PCDHGB3: variants seen among roughly 807,000 people sequenced by gnomAD.
PCDHGB3 encodes protocadherin gamma-B3.
PCDHGB3 carries 40 observed loss-of-function variants against 59.2 expected under a neutral mutation model. The ratio of observed to expected loss-of-function variants is 0.68; its 90% CI spans 0.52 to 0.88. The LOEUF is 0.88. PCDHGB3 is among the 40% of genes least tolerant of loss of function. The pLI is 0.00. For synonymous variants in PCDHGB3, 581 were observed against 503.6 expected, an observed-to-expected ratio of 1.15 and a Z score of -2.06; for missense variants, 1,309 against 1,187.9, an observed-to-expected ratio of 1.10 and a Z score of -1.50.
intron 1 of PCDHGB3, among the ~76,000 whole-genome samples, chr5:141,467,772 C>A (rs972304213): frequency 1.3e-5 from 2 of 151,686 alleles, no homozygotes; most frequent in Admixed American, 6.6e-5. Flanking sequence ...AGTGCCCGCA[C>A]CTCAGCCTCT....
In PCDHGB3 at chr5:141,370,915, C is replaced by T; in HGVS notation, c.521C>T (p.Pro174Leu). The T allele has an allele frequency of 6.2e-7, 1 of 1,614,006 alleles. No individual in the cohort carries two copies. The highest frequency in any genetic ancestry group is 8.5e-7 in the Non-Finnish European group (1 of 1,179,884). The stretch of plus-strand genomic sequence containing the variant: ...TCGCTGCAGCAGTACTACCTCAGCC[C>T]TGATCCGCACTTCTCTTTGATTCAG... ...VNSLQQYYLS[P>L]DPHFSLIQKE... The change falls in exon 1 of 4, where the codon CCT becomes CTT. Residue 174 changes from proline to leucine, a missense_variant. By Grantham distance (98) the Pro-to-Leu change is moderately conservative (BLOSUM62 -3). Coordinates refer to ENST00000576222, the MANE Select transcript of PCDHGB3 (RefSeq NM_018924.5).
In PCDHGB3 at chr5:141,413,416, C is replaced by G. The variant is rs893515703; in HGVS notation, c.2415+40607C>G. ...CAGAGGTAGGACGCAGCTTTTCTCT[C>G]TGAACCCGCGCAGCGGCAGCTTGAT... On this transcript the variant is annotated intron_variant, in intron 1 of 3. Transcript: ENST00000576222. 1 of 1,614,100 alleles carries G rather than the reference C, an allele frequency of 6.2e-7. No individual in the cohort carries two copies. Among genetic ancestry groups the G allele is most frequent in the Admixed American group, 1.7e-5 (1 of 60,034 alleles).
At chr5:141,453,919 C>T (rs142719452) in intron 1 of PCDHGB3, among the ~76,000 whole-genome samples, 2 of 152,318 alleles carry the variant, frequency 1.3e-5, no homozygotes, top group African/African-American at 4.8e-5. Flanking sequence ...TGTCAGTGAT[C>T]AGTCACTGTG....
rs983317324 is a variant in PCDHGB3, at chr5:141,431,891, G to A, written c.2415+59082G>A. The stretch of plus-strand genomic sequence containing the variant: ...AAATGTAAATGACCAAGATTCTGAG[G>A]AAAACGGACAGGTGATCTGTTTCAT... On this transcript the variant is annotated intron_variant, in intron 1 of 3. Transcript: ENST00000576222. The surrounding 1 kb of genome is among the most constrained non-coding windows in gnomAD (Gnocchi z 4.8). 16 of 1,614,072 alleles carry A rather than the reference G, an allele frequency of 9.9e-6. No homozygotes were observed. The highest frequency in any genetic ancestry group is 2.7e-5 in the African/African-American group (2 of 74,934).
chr5:141,403,627 A>G lies in PCDHGB3; in HGVS notation c.2415+30818A>G, dbSNP rs1187522360. ...GCGGCGAGCCGCGTCGCTCCAGCAC[A>G]GTGCGCATCCATGTGACAGTGTTGG... On this transcript the variant is annotated intron_variant, in intron 1 of 3. Coordinates refer to ENST00000576222, the MANE Select transcript of PCDHGB3 (RefSeq NM_018924.5). 4 of 1,613,922 alleles carry G rather than the reference A, an allele frequency of 2.5e-6. No individual in the cohort carries two copies. The East Asian group carries it at 8.9e-5, about 36-fold the overall frequency.
At chr5:141,399,644 A>C in intron 1 of PCDHGB3, 1 of 1,613,810 alleles carries the variant, frequency 6.2e-7, no homozygotes, top group Non-Finnish European at 8.5e-7. Flanking sequence ...ATGAGCGCGC[A>C]AAGTGGGGTG....
At chr5:141,466,654 C>A (rs985749176) in intron 1 of PCDHGB3, among the ~76,000 whole-genome samples, 12 of 152,178 alleles carry the variant, frequency 7.9e-5, no homozygotes, top group African/African-American at 2.9e-4. Flanking sequence ...TTTCACAAAA[C>A]ATCAGTGATT....
At chr5:141,398,019 A>T (rs2093601039) in intron 1 of PCDHGB3, 1 of 1,427,024 alleles carries the variant, frequency 7.0e-7, no homozygotes, top group Admixed American at 2.6e-5. Flanking sequence ...CGTTTCCTAA[A>T]CTGGAACTGG....
chr5:141,404,463 A>G lies in PCDHGB3; in HGVS notation c.2415+31654A>G, dbSNP rs969137248. 10 of 1,612,548 alleles carry G rather than the reference A, an allele frequency of 6.2e-6. No homozygotes were observed. In the South Asian group the frequency reaches 9.9e-5, roughly 16 times the overall value. ...ATCCAAGGGTCTCCTCTCTCCACCTATGTCTCTATTAACTCAGACACTGGT... is the reference window on the plus strand; with the variant it reads ...ATCCAAGGGTCTCCTCTCTCCACCTGTGTCTCTATTAACTCAGACACTGGT... On this transcript the variant is annotated intron_variant, in intron 1 of 3. Transcript: ENST00000576222.
Position 141,403,041 on chromosome 5 carries a change from A to G in PCDHGB3, c.2415+30232A>G, listed in dbSNP as rs202099773. Reference sequence around the variant, plus strand: ...ATGCTATGGGAGGCCAGGGCCAGTCAGATTCGCTACTCAGTGCCTGAAGAG... The same window carrying G: ...ATGCTATGGGAGGCCAGGGCCAGTCGGATTCGCTACTCAGTGCCTGAAGAG... On this transcript the variant is annotated intron_variant, in intron 1 of 3. Transcript: ENST00000576222. 7.2e-5 allele frequency: 116 copies of G among 1,613,966 alleles called. No homozygotes were observed. Among genetic ancestry groups the G allele is most frequent in the Non-Finnish European group, 9.6e-5 (113 of 1,179,918 alleles).
At chr5:141,454,283 T>G (rs2098785864) in intron 1 of PCDHGB3, among the ~76,000 whole-genome samples, 1 of 152,134 alleles carries the variant, frequency 6.6e-6, no homozygotes, top group Non-Finnish European at 1.5e-5. Flanking sequence ...AACTTCACAT[T>G]AAAGGAACTC....
At chr5:141,504,429 G>T (rs947508365) in intron 2 of PCDHGB3, among the ~76,000 whole-genome samples, 1 of 152,124 alleles carries the variant, frequency 6.6e-6, no homozygotes, top group Non-Finnish European at 1.5e-5. Context: ...CACTACAACA[G>T]CTGCAGTGTG....
chr5:141,378,619 T>G (rs190214323), intron 1 of PCDHGB3: 1 of 152,306 alleles, frequency 6.6e-6, no homozygotes, highest in African/African-American at 2.4e-5. Context: ...TAAAAATAGA[T>G]GACTGACTGG....
rs1410460145 is a variant in PCDHGB3 at position 141,490,798 on chromosome 5, C to T, written c.2416-4009C>T. On this transcript the variant is annotated intron_variant, in intron 1 of 3. Coordinates refer to ENST00000576222, the MANE Select transcript of PCDHGB3 (RefSeq NM_018924.5). The surrounding 1 kb of genome is among the most constrained non-coding windows in gnomAD (Gnocchi z 5.4). The stretch of plus-strand genomic sequence containing the variant: ...AGAGGATGGACGGATCTTTGCCCAG[C>T]GTACCTTTGACTATGAATTGCTGCA... 9.3e-6 allele frequency: 15 copies of T among 1,613,808 alleles called. No individual in the cohort carries two copies. Among genetic ancestry groups the T allele is most frequent in the Admixed American group, 6.7e-5 (4 of 60,002 alleles).
In PCDHGB3 at chr5:141,388,074, C is replaced by T. The variant is rs770542956; in HGVS notation, c.2415+15265C>T. 1.6e-5 allele frequency: 22 copies of T among 1,363,892 alleles called. No homozygotes were observed. In the South Asian group the frequency reaches 2.8e-4, roughly 17 times the overall value. 84.5% of individuals were successfully genotyped at this position (1,363,892 alleles called of 1,614,324 possible). On this transcript the variant is annotated intron_variant, in intron 1 of 3. Transcript: ENST00000576222. ...GTTCAGCGTCCAGGAGTTACCGACT[C>T]GAAAACTGCGCGTCAGTTCGGAGAA...
chr5:141,511,267 C>A lies in PCDHGB3; in HGVS notation c.*94C>A, dbSNP rs1223074819. The A allele has an allele frequency of 6.5e-7, 1 of 1,549,404 alleles. No individual in the cohort carries two copies. Among genetic ancestry groups the A allele is most frequent in the Non-Finnish European group, 8.7e-7 (1 of 1,146,836 alleles). Reference sequence around the variant, plus strand: ...CCAGGCCTCAGAGTTTCAGGGCTAACCCCCAGAATACTGGTAGGGGCCAAG... The same window carrying A: ...CCAGGCCTCAGAGTTTCAGGGCTAAACCCCAGAATACTGGTAGGGGCCAAG... On this transcript the variant is annotated 3_prime_UTR_variant, in exon 4 of 4. Coordinates refer to ENST00000576222, the MANE Select transcript of PCDHGB3 (RefSeq NM_018924.5).
chr5:141,407,703 G>A (rs1016806853), intron 1 of PCDHGB3, among the ~76,000 whole-genome samples: 26 of 152,096 alleles, frequency 1.7e-4, no homozygotes, highest in African/African-American at 6.3e-4. Flanking sequence ...ATTGTTGAAG[G>A]TGGGGTGATG....
intron 1 of PCDHGB3, among the ~76,000 whole-genome samples, 185 bp downstream of exon 1, chr5:141,372,994 C>T (rs1769242152): frequency 6.6e-6 from 1 of 152,146 alleles, no homozygotes; most frequent in South Asian, 2.1e-4. Flanking sequence ...TGCAGTTGTT[C>T]TTTCATAGAA....
intron 3 of PCDHGB3, among the ~76,000 whole-genome samples, chr5:141,506,190 C>T (rs1313145580): frequency 6.6e-6 from 1 of 152,180 alleles, no homozygotes; most frequent in Non-Finnish European, 1.5e-5. Flanking sequence ...GTGGCTCACG[C>T]CTGTAATCCC....
Sources: allele counts gnomAD v4.1 joint callset (sites outside exome capture counted in the v4.1 genomes callset), GRCh38; gene constraint gnomAD v4.1.1; non-coding constraint Gnocchi (gnomAD v3.1); transcripts MANE v1.5; gene names NCBI Gene and HGNC (gene_info 2026-07-23, HGNC 2026-07-21).